The following RBX1 variants were observed in gnomAD, a reference collection of about 807,000 sequenced individuals.
RBX1 encodes the protein E3 ubiquitin-protein ligase RBX1.
For synonymous variants in RBX1, 48 were observed against 47.9 expected (o/e 1.00, Z -0.01); for missense variants, 46 against 141.4 (o/e 0.33, Z 3.42).
intron 4 of RBX1, among the ~76,000 whole-genome samples, chr22:40,970,615 ACTG>A (rs1234165826): frequency 6.6e-6 from 1 of 152,106 alleles, no homozygotes; most frequent in African/African-American, 2.4e-5. Flanking sequence ...TTTTCTGTGA[ACTG>A]CTGTGTTTAT....
rs61092253 is a variant in RBX1 at position 40,961,081 on chromosome 22, C to CTTTTTTTTTTTT, written c.158-2954_158-2943dup. On this transcript the variant is annotated intron_variant, in intron 2 of 4. Coordinates refer to ENST00000216225, the MANE Select transcript of RBX1 (RefSeq NM_014248.4). ...GCCCGGCCGAGCCACCGTGCCTGGC[C>CTTTTTTTTTTTT]TTTTTTTTTTTTTTTTTTTTTTTGA... is the stretch of plus-strand genomic sequence containing the variant. Among the ~76,000 whole-genome samples, 64 of 107,670 alleles carry CTTTTTTTTTTTT rather than the reference C, an allele frequency of 5.9e-4. 1 individual carries two copies. Among genetic ancestry groups the CTTTTTTTTTTTT allele is most frequent in the African/African-American group, 2.3e-3 (62 of 27,120 alleles). The allele number at this position is 107,670 out of a possible 152,430, so 70.6% of individuals were successfully genotyped here.
At chr22:40,957,824 T>G (rs1349455702) in intron 2 of RBX1, among the ~76,000 whole-genome samples, 1 of 151,610 alleles carries the variant, frequency 6.6e-6, no homozygotes, top group African/African-American at 2.4e-5. Context: ...CTACCACACC[T>G]AGCTAATTTT....
At chr22:40,961,073 T>A (rs952444540) in intron 2 of RBX1, among the ~76,000 whole-genome samples, 5 of 144,582 alleles carry the variant, frequency 3.5e-5, no homozygotes, top group Non-Finnish European at 7.6e-5. Flanking sequence ...CGAGCCACCG[T>A]GCCTGGCCTT....
At chr22:40,971,832 C>A (rs1176407094) in intron 4 of RBX1, among the ~76,000 whole-genome samples, 1 of 152,108 alleles carries the variant, frequency 6.6e-6, no homozygotes, top group African/African-American at 2.4e-5. Flanking sequence ...GCTGGGATTA[C>A]AGGAGTGAGC....
rs1276671019 is a variant in RBX1, at chr22:40,966,739, G to A, written c.229-1060G>A. ...CCATACATACTTTGGGAGACGTACC[G>A]ACCAGATTTCAGTTGTTATTAAATG... On this transcript the variant is annotated intron_variant, in intron 3 of 4. Transcript: ENST00000216225. 17 of 152,112 alleles carry A rather than the reference G, an allele frequency of 1.1e-4. 1 individual carries two copies. The highest frequency in any genetic ancestry group is 9.8e-4 in the Admixed American group (15 of 15,246). The allele number at this position is 152,112 out of a possible 1,614,324, so 9.4% of individuals were successfully genotyped here. A position where few individuals can be genotyped will look rare whatever the true frequency, so the allele number is the denominator to read the frequency against.
intron 3 of RBX1, 129 bp downstream of exon 3, chr22:40,964,246 G>T (rs1985983250): frequency 9.3e-6 from 6 of 645,604 alleles, no homozygotes; most frequent in Admixed American, 5.8e-5. Context: ...TATACAAATA[G>T]TAAAAAAGAT....
At chr22:40,960,662 A>G (rs769323286) in intron 2 of RBX1, among the ~76,000 whole-genome samples, 3 of 152,172 alleles carry the variant, frequency 2.0e-5, no homozygotes, top group Non-Finnish European at 4.4e-5. Context: ...ATCCAGCTTA[A>G]AGGACATCAT....
intron 3 of RBX1, chr22:40,966,165 G>A (rs2058353769): frequency 6.6e-6 from 1 of 152,188 alleles, no homozygotes; most frequent in South Asian, 2.1e-4. Flanking sequence ...TTGATGTGAG[G>A]CCTCAAATGA....
At chr22:40,968,018 T>A in intron 4 of RBX1, 134 bp downstream of exon 4, 1 of 568,578 alleles carries the variant, frequency 1.8e-6, no homozygotes, top group South Asian at 2.4e-5. Context: ...AAGCTAGGAC[T>A]TATCTATATG....
At chr22:40,951,953 C>G (rs2058312186) in intron 1 of RBX1, among the ~76,000 whole-genome samples, 1 of 151,302 alleles carries the variant, frequency 6.6e-6, no homozygotes, top group Non-Finnish European at 1.5e-5. Context: ...CTTTTTGAAG[C>G]TTGGGGTCCT....
chr22:40,972,557 A>T lies in RBX1; in HGVS notation c.*69A>T. 7.8e-7 allele frequency: 1 copy of T among 1,274,842 alleles called. No homozygotes were observed. Among genetic ancestry groups the T allele is most frequent in the East Asian group, 2.3e-5 (1 of 43,222 alleles). The allele number at this position is 1,274,842 out of a possible 1,614,324, so 79.0% of individuals were successfully genotyped here. A position where few individuals can be genotyped will look rare whatever the true frequency, so the allele number is the denominator to read the frequency against. On this transcript the variant is annotated 3_prime_UTR_variant, in exon 5 of 5. Coordinates refer to ENST00000216225, the MANE Select transcript of RBX1 (RefSeq NM_014248.4). The stretch of plus-strand genomic sequence containing the variant: ...TAATGACTTTCCCTGCTGTTACCTA[A>T]TTACAAATTGGATGGAACTGTGTTT...
At chr22:40,953,886 G>A (rs910827040) in intron 2 of RBX1, among the ~76,000 whole-genome samples, 5 of 152,108 alleles carry the variant, frequency 3.3e-5, no homozygotes, top group African/African-American at 9.7e-5. Context: ...AATTGTGGAC[G>A]ACAGGCACTG....
At chr22:40,962,064 G>A (rs1320564868) in intron 2 of RBX1, among the ~76,000 whole-genome samples, 5 of 151,988 alleles carry the variant, frequency 3.3e-5, no homozygotes, top group East Asian at 1.9e-4. Context: ...GATTGCAGGC[G>A]TGAGCCACTA....
At chr22:40,960,631 A>G (rs371394806) in intron 2 of RBX1, among the ~76,000 whole-genome samples, 1 of 152,176 alleles carries the variant, frequency 6.6e-6, no homozygotes, top group African/African-American at 2.4e-5. Flanking sequence ...TATAATACAT[A>G]GTCTTCCTCT....
chr22:40,963,794 C>T (rs1374176722), intron 2 of RBX1, among the ~76,000 whole-genome samples: 1 of 152,170 alleles, frequency 6.6e-6, no homozygotes, highest in Non-Finnish European at 1.5e-5. Flanking sequence ...TGCAGTGAGC[C>T]ATGCTCATGC....
intron 1 of RBX1, 56 bp from the exon 2 acceptor site, chr22:40,953,499 G>C: frequency 8.5e-7 from 1 of 1,173,564 alleles, no homozygotes; most frequent in Non-Finnish European, 1.3e-6. Context: ...AGGTCCTAAA[G>C]AGTATGTGTG....
chr22:40,951,624 T>A, intron 1 of RBX1, 148 bp downstream of exon 1: 1 of 736,110 alleles, frequency 1.4e-6, no homozygotes, highest in Non-Finnish European at 2.2e-6. Flanking sequence ...GGGGGGCGGG[T>A]CTTAGAGTTG....
chr22:40,961,904 C>G (rs780474775), intron 2 of RBX1, among the ~76,000 whole-genome samples: 1 of 152,008 alleles, frequency 6.6e-6, no homozygotes, highest in Non-Finnish European at 1.5e-5. Flanking sequence ...CCTGCCTCAG[C>G]CTCCTGAGTA....
At chr22:40,961,084 T>TTTTTTTTTTTTTTTTTTTTTTG in intron 2 of RBX1, among the ~76,000 whole-genome samples, 1 of 136,626 alleles carries the variant, frequency 7.3e-6, no homozygotes, top group African/African-American at 3.1e-5. Context: ...GCCTGGCCTT[T>TTTTTTTTTTTTTTTTTTTTTTG]TTTTTTTTTT....
Sources: gnomAD v4.1 joint callset for allele counts (sites outside exome capture counted in the v4.1 genomes callset) on GRCh38, gnomAD v4.1.1 for gene constraint, MANE v1.5 for transcripts, NCBI Gene and HGNC (gene_info 2026-07-23, HGNC 2026-07-21) for gene names.